Variants in CAD observed in about 807,000 individuals in gnomAD.
CAD encodes the protein carbamoyl-phosphate synthetase 2, aspartate transcarbamylase, and dihydroorotase, also known as multifunctional protein CAD.
In CAD, 81 loss-of-function variants were observed where a neutral mutation model predicts 237.2. That is an observed-to-expected ratio of 0.34 (90% CI 0.29 to 0.41). CAD has a LOEUF of 0.41. Ranked by LOEUF, CAD falls within the 10% of genes least tolerant of loss-of-function variation. The pLI is 1.00. For missense variants in CAD, 2,181 were observed against 2,951.7 expected, an observed-to-expected ratio of 0.74 and a Z score of 6.05; for synonymous variants, 1,196 against 1,162.8, an observed-to-expected ratio of 1.03 and a Z score of -0.58.
In CAD at chr2:27,221,327, A is replaced by G. The variant is rs1439517956; in HGVS notation, c.332A>G (p.His111Arg). Residue 111 changes from histidine to arginine, a missense_variant, in exon 3 of 44, where the codon CAT becomes CGT. By Grantham distance (29) the His-to-Arg change is conservative. Around this residue, in one of 12 missense-constraint regions of CAD, gnomAD observed 314 missense variants for 339.4 expected, o/e 0.93. Transcript: ENST00000264705. ...ACCCTGCATGAGTGGCTGCAGCAGC[A>G]TGGCATCCCTGGCTTGCAAGGTATG... Reference protein sequence around the residue: ...TRTLHEWLQQHGIPGLQGVDT... With the variant: ...TRTLHEWLQQRGIPGLQGVDT... 4 of 1,578,314 alleles carry G rather than the reference A, an allele frequency of 2.5e-6. No homozygotes were observed. The Admixed American group carries it at 7.0e-5, about 28-fold the overall frequency.
intron 2 of CAD, among the ~76,000 whole-genome samples, chr2:27,220,516 G>A (rs2148055910): frequency 6.6e-6 from 1 of 152,018 alleles, no homozygotes; most frequent in African/African-American, 2.4e-5. Flanking sequence ...CAGGTGTGAT[G>A]ATCCACACCT....
chr2:27,222,676 C>A lies in CAD; in HGVS notation c.637+16C>A. On this transcript the variant is annotated intron_variant, in intron 5 of 43. Transcript: ENST00000264705. ...GACAGCCAAGGTGAGTAGCTGGGGC[C>A]TGTTCAGGGCCTCAGACAAGCAGCT... 6.2e-7 allele frequency: 1 copy of A among 1,606,790 alleles called. No homozygotes were observed. Among genetic ancestry groups the A allele is most frequent in the Non-Finnish European group, 8.5e-7 (1 of 1,174,334 alleles).
chr2:27,224,504 C>T lies in CAD; in HGVS notation c.1254+14C>T. 1 of 1,612,510 alleles carries T rather than the reference C, an allele frequency of 6.2e-7. No individual in the cohort carries two copies. The highest frequency in any genetic ancestry group is 1.1e-5 in the South Asian group (1 of 90,938). On this transcript the variant is annotated intron_variant, in intron 9 of 43. Coordinates refer to ENST00000264705, the MANE Select transcript of CAD (RefSeq NM_004341.5). ...TCGGGCTCTCAGGTGAGGCATGTTC[C>T]TCCCCACCCTTCTGGGCGTGTGACC...
rs1377223646 is a variant in CAD, at chr2:27,233,686, C to T, written c.3277C>T (p.Leu1093=). Residue 1093 remains leucine (L), a synonymous_variant, in exon 21 of 44, where the codon CTG becomes TTG. Transcript: ENST00000264705. The surrounding 1 kb of genome is among the most constrained non-coding windows in gnomAD (Gnocchi z 6.3). ...YPCVVRPSYV[L]SGAAMNVAYT... ...CTGTGTGGTGCGCCCCTCCTATGTG[C>T]TGAGCGGTGCTGCTATGAATGTGGC... 6.2e-7 allele frequency: 1 copy of T among 1,614,194 alleles called. No individual in the cohort carries two copies. Among genetic ancestry groups the T allele is most frequent in the Non-Finnish European group, 8.5e-7 (1 of 1,180,042 alleles).
At position 27,237,422 on chromosome 2, in the gene CAD, A is replaced by T. The variant is rs746493020; in HGVS notation, c.4440A>T (p.Thr1480=). ...TGCACCTGCGGGAACCAGGTGGGAC[A>T]CATAAGGAGGACTTTGCTTCAGGCA... is the stretch of plus-strand genomic sequence containing the variant. ...VHVHLREPGG[T]HKEDFASGTA... The change falls in exon 28 of 44, where the codon ACA becomes ACT. Residue 1480 remains threonine (T), a synonymous_variant. Transcript: ENST00000264705. This position sits in a 1 kb window ranked among gnomAD's most constrained non-coding sequence, Gnocchi z 4.0. The T allele has an allele frequency of 7.4e-6, 12 of 1,614,194 alleles. No individual in the cohort carries two copies. Among genetic ancestry groups the T allele is most frequent in the Non-Finnish European group, 1.0e-5 (12 of 1,180,030 alleles).
At position 27,236,363 on chromosome 2, in the gene CAD, C is replaced by T; in HGVS notation, c.4154C>T (p.Ala1385Val). ...PPQRSILEQL[A>V]EKNFELVINL... ...CAGCGGAGCATCCTGGAGCAGCTAG[C>T]TGAGAAAAACTTTGAGCTGGTGATT... Residue 1385 changes from alanine (A) to valine (V), a missense_variant, in exon 26 of 44, where the codon GCT becomes GTT. Around this residue, in one of 12 missense-constraint regions of CAD, gnomAD observed 306 missense variants for 607.9 expected, o/e 0.50. Transcript: ENST00000264705. This position sits in a 1 kb window ranked among gnomAD's most constrained non-coding sequence, Gnocchi z 4.1. The T allele has an allele frequency of 6.2e-7, 1 of 1,614,194 alleles. No homozygotes were observed. The highest frequency in any genetic ancestry group is 1.3e-5 in the African/African-American group (1 of 75,046).
intron 15 of CAD, among the ~76,000 whole-genome samples, chr2:27,229,432 A>AT (rs1365111538): frequency 1.8e-3 from 269 of 148,370 alleles, no homozygotes; most frequent in African/African-American, 6.1e-3. Context: ...CACCTTGCTA[A>AT]TTTTTTTTTT....
Position 27,239,543 on chromosome 2 carries a change from C to A in CAD, c.5394+72C>A. ...CCACGTTCATTTCTTCCCTTCCCAG[C>A]ACATCTACACTGTCCCACTATGTGC... On this transcript the variant is annotated intron_variant, in intron 33 of 43. Transcript: ENST00000264705. The surrounding 1 kb of genome is among the most constrained non-coding windows in gnomAD (Gnocchi z 4.0). The A allele has an allele frequency of 6.4e-7, 1 of 1,557,022 alleles. No homozygotes were observed. The highest frequency in any genetic ancestry group is 1.2e-5 in the South Asian group (1 of 86,398).
At position 27,225,687 on chromosome 2, in the gene CAD, C is replaced by T. The variant is rs1374372685; in HGVS notation, c.1621-18C>T. ...AGTAGGAAATAACCTGTTTGTTCATCTCTTCCACTCATTGCAGGCCCAGGC... is the reference window on the plus strand; with the variant it reads ...AGTAGGAAATAACCTGTTTGTTCATTTCTTCCACTCATTGCAGGCCCAGGC... On this transcript the variant is annotated intron_variant, in intron 11 of 43. Transcript: ENST00000264705. The T allele has an allele frequency of 6.3e-7, 1 of 1,577,328 alleles. No individual in the cohort carries two copies. Among genetic ancestry groups the T allele is most frequent in the Non-Finnish European group, 8.7e-7 (1 of 1,146,822 alleles).
Position 27,226,928 on chromosome 2 carries a change from C to T in CAD, c.2253C>T (p.Val751=). Residue 751 remains valine, a synonymous_variant, in exon 15 of 44, where the codon GTC becomes GTT. Transcript: ENST00000264705. ...GGGACCTTAGCAAGTTCCTGCGAGTCAGCACAAAGATTGGGAGCTGCATGA... is the reference window on the plus strand; with the variant it reads ...GGGACCTTAGCAAGTTCCTGCGAGTTAGCACAAAGATTGGGAGCTGCATGA... ...PRWDLSKFLR[V]STKIGSCMKS... The T allele has an allele frequency of 6.2e-7, 1 of 1,614,186 alleles. No homozygotes were observed. Among genetic ancestry groups the T allele is most frequent in the Non-Finnish European group, 8.5e-7 (1 of 1,180,014 alleles).
chr2:27,222,927 A>G lies in CAD; in HGVS notation c.699A>G (p.Val233=). Residue 233 remains valine, a synonymous_variant, in exon 6 of 44, where the codon GTA becomes GTG. Coordinates refer to ENST00000264705, the MANE Select transcript of CAD (RefSeq NM_004341.5). ...PGDPASYPSV[V]STLSRVLSEP... is the part of the protein sequence containing the mutation. ...ACCCTGCCTCCTATCCCAGTGTCGT[A>G]TCCACACTGAGCCGTGTTTTATCTG... 2 of 1,614,002 alleles carry G rather than the reference A, an allele frequency of 1.2e-6. No homozygotes were observed. The highest frequency in any genetic ancestry group is 1.3e-5 in the African/African-American group (1 of 75,026).
Position 27,241,048 on chromosome 2 carries a change from C to T in CAD, c.5639-10C>T. On this transcript the variant is annotated splice_polypyrimidine_tract_variant and intron_variant, in intron 36 of 43. Transcript: ENST00000264705. The surrounding 1 kb of genome is among the most constrained non-coding windows in gnomAD (Gnocchi z 4.6). ...CTGACCAGCCTTTTCTGCCCCATCCCTCACTGCAGAGCTGATGGGAACCCC... is the reference window on the plus strand; with the variant it reads ...CTGACCAGCCTTTTCTGCCCCATCCTTCACTGCAGAGCTGATGGGAACCCC... The T allele has an allele frequency of 1.2e-6, 2 of 1,612,700 alleles. No individual in the cohort carries two copies. The highest frequency in any genetic ancestry group is 1.1e-5 in the South Asian group (1 of 90,954).
Position 27,234,188 on chromosome 2 carries a change from C to T in CAD, c.3580C>T (p.Gln1194Ter), listed in dbSNP as rs1675897070. 6.2e-7 allele frequency: 1 copy of T among 1,614,220 alleles called. No individual in the cohort carries two copies. The highest frequency in any genetic ancestry group is 8.5e-7 in the Non-Finnish European group (1 of 1,180,034). The change falls in exon 22 of 44, where the codon CAG becomes TAG. Residue 1194 changes from glutamine (Q) to a stop codon, truncating the protein, a stop_gained. Transcript: ENST00000264705. LOFTEE classifies it high-confidence loss of function. ...AIVHAVGQEL[Q>*]VTGPFNLQLI... ...TGTGCATGCTGTGGGCCAGGAGCTA[C>T]AGGTCACAGGACCCTTCAATCTGCA... is the stretch of plus-strand genomic sequence containing the variant.
Position 27,236,597 on chromosome 2 carries a change from G to T in CAD, c.4314+74G>T. The T allele has an allele frequency of 1.3e-6, 2 of 1,587,630 alleles. No homozygotes were observed. On this transcript the variant is annotated intron_variant, in intron 26 of 43. Coordinates refer to ENST00000264705, the MANE Select transcript of CAD (RefSeq NM_004341.5). The surrounding 1 kb of genome is among the most constrained non-coding windows in gnomAD (Gnocchi z 4.1). ...AGAAGAAAGAGGGAGGAGTGAGTAT[G>T]GAACAGCCATGCTAGTAATAAAGCT...
intron 23 of CAD, 88 bp downstream of exon 23, chr2:27,234,773 G>A: frequency 1.6e-6 from 2 of 1,272,286 alleles, no homozygotes; most frequent in South Asian, 1.4e-5. Context: ...TGTAAACCAG[G>A]CACTGACTGC....
Position 27,232,241 on chromosome 2 carries a change from A to G in CAD, c.2645+17A>G. 6.2e-7 allele frequency: 1 copy of G among 1,612,538 alleles called. No individual in the cohort carries two copies. Among genetic ancestry groups the G allele is most frequent in the Non-Finnish European group, 8.5e-7 (1 of 1,179,452 alleles). On this transcript the variant is annotated intron_variant, in intron 17 of 43. Transcript: ENST00000264705. The surrounding 1 kb of genome is among the most constrained non-coding windows in gnomAD (Gnocchi z 4.1). ...AGTTCTGAGGTCAGAGGTGGCAATG[A>G]GAGCTTCCGGCTGGGAAATGTGGGG...
intron 5 of CAD, 82 bp from the exon 6 acceptor site, chr2:27,222,784 C>T: frequency 1.3e-6 from 2 of 1,573,670 alleles, no homozygotes; most frequent in African/African-American, 1.3e-5. Flanking sequence ...GGACTTAACA[C>T]TCTCATGGGC....
Position 27,225,709 on chromosome 2 carries a change from A to G in CAD, c.1625A>G (p.Gln542Arg). 2 of 1,612,306 alleles carry G rather than the reference A, an allele frequency of 1.2e-6. No individual in the cohort carries two copies. The highest frequency in any genetic ancestry group is 1.1e-5 in the South Asian group (1 of 91,044). The part of the protein sequence containing the change: ...SEAANSLEQA[Q>R]AAAERLGYPV... The stretch of plus-strand genomic sequence containing the variant: ...CATCTCTTCCACTCATTGCAGGCCC[A>G]GGCAGCCGCTGAACGGCTGGGGTAC... Residue 542 changes from glutamine (Q) to arginine (R), a missense_variant, in exon 12 of 44, where the codon CAG becomes CGG. Transcript: ENST00000264705.
In CAD at chr2:27,236,586, G is replaced by A; in HGVS notation, c.4314+63G>A. Reference sequence around the variant, plus strand: ...TGTTGATGGGAAGAAGAAAGAGGGAGGAGTGAGTATGGAACAGCCATGCTA... The same window carrying A: ...TGTTGATGGGAAGAAGAAAGAGGGAAGAGTGAGTATGGAACAGCCATGCTA... On this transcript the variant is annotated intron_variant, in intron 26 of 43. Coordinates refer to ENST00000264705, the MANE Select transcript of CAD (RefSeq NM_004341.5). The surrounding 1 kb of genome is among the most constrained non-coding windows in gnomAD (Gnocchi z 4.1). 1.3e-6 allele frequency: 2 copies of A among 1,597,052 alleles called. No individual in the cohort carries two copies. Among genetic ancestry groups the A allele is most frequent in the South Asian group, 1.1e-5 (1 of 90,398 alleles).
Sources: allele counts gnomAD v4.1 joint callset (sites outside exome capture counted in the v4.1 genomes callset), GRCh38; gene constraint gnomAD v4.1.1; regional missense constraint gnomAD v4.1.1; non-coding constraint Gnocchi (gnomAD v3.1); transcripts MANE v1.5; gene names NCBI Gene and HGNC (gene_info 2026-07-23, HGNC 2026-07-21).